The following ARHGAP15 variants were observed in gnomAD, a reference collection of about 807,000 sequenced individuals.
ARHGAP15 encodes the protein Rho GTPase activating protein 15.
A neutral mutation model predicts 63.7 loss-of-function variants in ARHGAP15; 51 were observed. The ratio of observed to expected loss-of-function variants is 0.80; its 90% CI spans 0.64 to 1.01. ARHGAP15 has a LOEUF of 1.01. ARHGAP15 is among the 50% of genes least tolerant of loss of function. The pLI is 0.00. For synonymous variants in ARHGAP15, 191 were observed against 193.8 expected, an observed-to-expected ratio of 0.99 and a Z score of 0.12; for missense variants, 560 against 564.6, an observed-to-expected ratio of 0.99 and a Z score of 0.08.
At chr2:143,580,689 TTAAAA>T (rs1487905029) in intron 11 of ARHGAP15, among the ~76,000 whole-genome samples, 1 of 152,122 alleles carries the variant, frequency 6.6e-6, no homozygotes, top group African/African-American at 2.4e-5. Flanking sequence ...TTTTAATACT[TTAAAA>T]TATCCTAGTT....
chr2:143,227,578 C>T (rs1212748117), intron 4 of ARHGAP15, among the ~76,000 whole-genome samples: 1 of 152,092 alleles, frequency 6.6e-6, no homozygotes, highest in Non-Finnish European at 1.5e-5. Flanking sequence ...AATTAATAAT[C>T]AGAAGGAGTG....
At chr2:143,380,336 G>A (rs913156048) in intron 6 of ARHGAP15, among the ~76,000 whole-genome samples, 1 of 152,188 alleles carries the variant, frequency 6.6e-6, no homozygotes, top group South Asian at 2.1e-4. Context: ...TGATTTGATT[G>A]CCTGGGTGCT....
chr2:143,489,486 T>C (rs564769999), intron 9 of ARHGAP15, among the ~76,000 whole-genome samples: 1 of 152,334 alleles, frequency 6.6e-6, no homozygotes, highest in South Asian at 2.1e-4. Flanking sequence ...AGTCACTTCT[T>C]GGGCTTGTTT....
At chr2:143,545,166 C>T (rs760090103) in intron 10 of ARHGAP15, among the ~76,000 whole-genome samples, 7 of 152,138 alleles carry the variant, frequency 4.6e-5, no homozygotes, top group Admixed American at 6.5e-5. Context: ...CTTTTACGAA[C>T]TCACTTGAGA....
At chr2:143,411,407 TAATC>T (rs1276810930) in intron 6 of ARHGAP15, among the ~76,000 whole-genome samples, 2 of 150,910 alleles carry the variant, frequency 1.3e-5, no homozygotes, top group Admixed American at 6.6e-5. Flanking sequence ...ATATGCACAT[TAATC>T]AATTACTTTT....
intron 13 of ARHGAP15, among the ~76,000 whole-genome samples, chr2:143,750,270 T>C (rs1574925944): frequency 6.6e-6 from 1 of 152,218 alleles, no homozygotes; most frequent in Non-Finnish European, 1.5e-5. Flanking sequence ...TGAAACCCCA[T>C]CTCTATTAAA....
At chr2:143,215,957 T>A (rs1692740176) in intron 3 of ARHGAP15, among the ~76,000 whole-genome samples, 1 of 152,220 alleles carries the variant, frequency 6.6e-6, no homozygotes, top group African/African-American at 2.4e-5. Flanking sequence ...ACTAGCTCAG[T>A]TACCTGGTCC....
chr2:143,440,687 A>G lies in ARHGAP15; in HGVS notation c.703+3645A>G, dbSNP rs151137428. Among the ~76,000 whole-genome samples, 843 of 152,318 alleles carry G rather than the reference A, an allele frequency of 5.5e-3. 8 individuals are homozygous for G. The highest frequency in any genetic ancestry group is 0.019 in the African/African-American group (809 of 41,574). On this transcript the variant is annotated intron_variant, in intron 8 of 13. Coordinates refer to ENST00000295095, the MANE Select transcript of ARHGAP15 (RefSeq NM_018460.4). ...AATATGATTCTAACCTGCCAACACT[A>G]TTAAGAACGAATCAGATATTTTAAG...
chr2:143,132,160 A>G (rs1485627338), intron 1 of ARHGAP15, among the ~76,000 whole-genome samples: 1 of 152,242 alleles, frequency 6.6e-6, no homozygotes. Context: ...TACACTGTAC[A>G]ATAAATGCTA....
intron 6 of ARHGAP15, among the ~76,000 whole-genome samples, chr2:143,373,834 C>T (rs1310798893): frequency 6.6e-6 from 1 of 151,920 alleles, no homozygotes; most frequent in Non-Finnish European, 1.5e-5. Context: ...TATGACTTAA[C>T]ATACTTAGTG....
intron 6 of ARHGAP15, among the ~76,000 whole-genome samples, chr2:143,409,040 A>C (rs907995777): frequency 6.6e-6 from 1 of 152,032 alleles, no homozygotes; most frequent in Admixed American, 6.6e-5. Flanking sequence ...TTGTTTAATT[A>C]TGAGTGTTTG....
chr2:143,713,855 G>A (rs145463435), intron 13 of ARHGAP15, among the ~76,000 whole-genome samples: 26 of 152,320 alleles, frequency 1.7e-4, no homozygotes, highest in African/African-American at 5.8e-4. Flanking sequence ...ATGGTCTTAG[G>A]CAGCTCTGCC....
chr2:143,156,927 AT>A (rs1277534906), intron 2 of ARHGAP15, among the ~76,000 whole-genome samples: 1 of 151,970 alleles, frequency 6.6e-6, no homozygotes, highest in Non-Finnish European at 1.5e-5. Context: ...AATTATTGGA[AT>A]CTCTATAATG....
chr2:143,737,431 C>T (rs901885996), intron 13 of ARHGAP15, among the ~76,000 whole-genome samples: 5 of 152,160 alleles, frequency 3.3e-5, no homozygotes, highest in African/African-American at 4.8e-5. Context: ...ATGTATTGGG[C>T]AGAGAAAGCA....
At chr2:143,402,088 C>A (rs1688010633) in intron 6 of ARHGAP15, among the ~76,000 whole-genome samples, 1 of 151,816 alleles carries the variant, frequency 6.6e-6, no homozygotes, top group Non-Finnish European at 1.5e-5. Context: ...AACCCAAGTG[C>A]CATGGCATTA....
chr2:143,394,238 CTT>C (rs1272490423), intron 6 of ARHGAP15, among the ~76,000 whole-genome samples: 4 of 152,152 alleles, frequency 2.6e-5, no homozygotes, highest in Admixed American at 1.3e-4. Context: ...CTAATTGACT[CTT>C]AGCGATGAAA....
chr2:143,306,443 C>T (rs917392232), intron 6 of ARHGAP15, among the ~76,000 whole-genome samples: 1 of 152,102 alleles, frequency 6.6e-6, no homozygotes, highest in Non-Finnish European at 1.5e-5. Flanking sequence ...ATGTAACCCA[C>T]ACATATCGAT....
intron 6 of ARHGAP15, among the ~76,000 whole-genome samples, chr2:143,291,380 G>C (rs1051093596): frequency 4.6e-5 from 7 of 151,886 alleles, no homozygotes; most frequent in Non-Finnish European, 1.5e-5. Context: ...TGCAAACACA[G>C]TTTCTCTCCC....
intron 6 of ARHGAP15, among the ~76,000 whole-genome samples, chr2:143,434,222 C>G (rs1007635175): frequency 7.2e-5 from 11 of 152,048 alleles, no homozygotes; most frequent in Non-Finnish European, 1.6e-4. Context: ...AAATCTTTCA[C>G]TTCTTATAAT....
Sources: allele counts gnomAD v4.1 joint callset (sites outside exome capture counted in the v4.1 genomes callset), GRCh38; gene constraint gnomAD v4.1.1; transcripts MANE v1.5; gene names NCBI Gene and HGNC (gene_info 2026-07-23, HGNC 2026-07-21).